JARID2: variants seen among roughly 807,000 people sequenced by gnomAD.
The protein encoded by JARID2 is protein Jumonji.
A neutral mutation model predicts 125.6 loss-of-function variants in JARID2; 21 were observed. The observed-to-expected ratio is 0.17, with a 90% CI of 0.12 to 0.24. The LOEUF (loss-of-function observed/expected upper bound fraction) is 0.24, where lower values mean the gene tolerates loss of function less well. JARID2 is among the 10% of genes least tolerant of loss of function. The pLI, the probability that JARID2 is intolerant of heterozygous loss-of-function variation, is 1.00. For synonymous variants in JARID2, 736 were observed against 661.6 expected (o/e 1.11, Z -1.73); for missense variants, 1,303 against 1,639.6 (o/e 0.79, Z 3.55).
At chr6:15,509,174 C>CT in intron 12 of JARID2, 1 of 1,280,510 alleles carries the variant, frequency 7.8e-7, no homozygotes, top group Non-Finnish European at 1.0e-6. Context: ...AATCCTGACT[C>CT]TCACTGCACC....
chr6:15,327,888 A>G (rs1170500907), intron 1 of JARID2, among the ~76,000 whole-genome samples: 1 of 152,048 alleles, frequency 6.6e-6, no homozygotes, highest in African/African-American at 2.4e-5. Flanking sequence ...CCCCACTTAG[A>G]TGCATTTTCC....
intron 3 of JARID2, among the ~76,000 whole-genome samples, chr6:15,444,014 G>T (rs1581572589): frequency 6.6e-6 from 1 of 152,206 alleles, no homozygotes; most frequent in Non-Finnish European, 1.5e-5. Flanking sequence ...ACTTAATTAA[G>T]ACAAGTGCTG....
intron 1 of JARID2, among the ~76,000 whole-genome samples, chr6:15,371,963 T>C (rs1452194248): frequency 6.6e-6 from 1 of 152,176 alleles, no homozygotes; most frequent in Non-Finnish European, 1.5e-5. Flanking sequence ...AAGGAGAAGG[T>C]GGAAATCCTA....
chr6:15,327,577 G>T (rs1350999816), intron 1 of JARID2, among the ~76,000 whole-genome samples: 1 of 152,022 alleles, frequency 6.6e-6, no homozygotes, highest in African/African-American at 2.4e-5. Flanking sequence ...GTGCATGTGC[G>T]TGCATCCCCG....
chr6:15,485,365 G>A (rs558418312), intron 5 of JARID2, among the ~76,000 whole-genome samples: 2 of 152,266 alleles, frequency 1.3e-5, no homozygotes, highest in East Asian at 1.9e-4. Context: ...AGGAAACTTA[G>A]AAGATTATTT....
chr6:15,360,587 G>T (rs565815949), intron 1 of JARID2, among the ~76,000 whole-genome samples: 55 of 152,114 alleles, frequency 3.6e-4, no homozygotes, highest in Non-Finnish European at 6.2e-4. Context: ...GTGTTCAAGC[G>T]ATCTTCTCAC....
chr6:15,505,561 G>T (rs1357724653), intron 9 of JARID2, among the ~76,000 whole-genome samples: 2 of 152,218 alleles, frequency 1.3e-5, no homozygotes, highest in Non-Finnish European at 2.9e-5. Context: ...AATTGTCAGA[G>T]CTTAGGATGT....
chr6:15,313,454 C>G (rs1352226066), intron 1 of JARID2, among the ~76,000 whole-genome samples: 1 of 152,166 alleles, frequency 6.6e-6, no homozygotes. Flanking sequence ...CAGGGTCTTG[C>G]ATTTGTGCCT....
chr6:15,439,164 G>A (rs1767343532), intron 3 of JARID2, among the ~76,000 whole-genome samples: 1 of 152,142 alleles, frequency 6.6e-6, no homozygotes, highest in Non-Finnish European at 1.5e-5. Context: ...TGGTGCAAGA[G>A]GACTCAGTGA....
At chr6:15,508,204 A>G (rs1771102418) in intron 11 of JARID2, 136 bp from the exon 12 acceptor site, 1 of 627,762 alleles carries the variant, frequency 1.6e-6, no homozygotes, top group African/African-American at 1.8e-5. Context: ...CCTTCTGCTC[A>G]CTGTCTTTTG....
intron 11 of JARID2, among the ~76,000 whole-genome samples, chr6:15,507,782 C>T (rs1276336040): frequency 6.6e-6 from 1 of 152,152 alleles, no homozygotes; most frequent in Admixed American, 6.5e-5. Flanking sequence ...CGGATGGATG[C>T]TTTGCAAACT....
intron 8 of JARID2, among the ~76,000 whole-genome samples, chr6:15,503,989 G>C (rs1408122968): frequency 1.3e-5 from 2 of 152,260 alleles, no homozygotes; most frequent in African/African-American, 4.8e-5. Flanking sequence ...AGTGAAGGCT[G>C]CTGCCCTGGC....
chr6:15,516,101 A>G (rs1348320680), intron 16 of JARID2, among the ~76,000 whole-genome samples: 1 of 151,846 alleles, frequency 6.6e-6, no homozygotes, highest in Non-Finnish European at 1.5e-5. Flanking sequence ...GTGAATTTAA[A>G]TTTGATGTGT....
chr6:15,501,001 A>T lies in JARID2; in HGVS notation c.2040A>T (p.Leu680=). 6.2e-7 allele frequency: 1 copy of T among 1,614,122 alleles called. No homozygotes were observed. Among genetic ancestry groups the T allele is most frequent in the East Asian group, 2.2e-5 (1 of 44,882 alleles). Reference sequence around the variant, plus strand: ...CTGACCTCAAAAAATGGAACAAACTAGCAGACATGCTGCGCATCCCCAGAA... The same window carrying T: ...CTGACCTCAAAAAATGGAACAAACTTGCAGACATGCTGCGCATCCCCAGAA... ...QVTDLKKWNK[L]ADMLRIPRTA... is the part of the protein sequence containing the mutation. The change falls in exon 8 of 18, where the codon CTA becomes CTT. Residue 680 remains leucine, a synonymous_variant. Transcript: ENST00000341776.
chr6:15,394,023 G>A (rs1261836048), intron 2 of JARID2, among the ~76,000 whole-genome samples: 1 of 152,060 alleles, frequency 6.6e-6, no homozygotes, highest in African/African-American at 2.4e-5. Flanking sequence ...TATTTCATCT[G>A]AAAATCTGAA....
chr6:15,517,541 A>G (rs1771622796), intron 17 of JARID2, among the ~76,000 whole-genome samples: 1 of 152,210 alleles, frequency 6.6e-6, no homozygotes, highest in South Asian at 2.1e-4. Flanking sequence ...GGCTTTCCCA[A>G]GGGCTGCACC....
chr6:15,347,940 G>C (rs950938717), intron 1 of JARID2, among the ~76,000 whole-genome samples: 2 of 152,038 alleles, frequency 1.3e-5, no homozygotes, highest in East Asian at 1.9e-4. Context: ...TTTTTGTATT[G>C]ATGCTGTCTT....
At chr6:15,415,769 C>A (rs1219843987) in intron 3 of JARID2, among the ~76,000 whole-genome samples, 3 of 142,760 alleles carry the variant, frequency 2.1e-5, no homozygotes, top group Non-Finnish European at 4.6e-5. Flanking sequence ...TAGGGGCGGC[C>A]TGGCAGAGGC....
intron 4 of JARID2, among the ~76,000 whole-genome samples, chr6:15,454,937 G>T (rs764288822): frequency 1.3e-5 from 2 of 152,208 alleles, no homozygotes; most frequent in East Asian, 3.8e-4. Context: ...GAGGCTGGTA[G>T]AGTGTGGTGT....
Sources: allele counts gnomAD v4.1 joint callset (sites outside exome capture counted in the v4.1 genomes callset), GRCh38; gene constraint gnomAD v4.1.1; transcripts MANE v1.5; gene names NCBI Gene and HGNC (gene_info 2026-07-23, HGNC 2026-07-21).